Variants in MYO16 observed in about 807,000 individuals in gnomAD.
The protein encoded by MYO16 is myosin XVI.
In MYO16, 94 loss-of-function variants were observed where a neutral mutation model predicts 205.3. The ratio of observed to expected loss-of-function variants is 0.46; its 90% confidence interval spans 0.39 to 0.54. The LOEUF (loss-of-function observed/expected upper bound fraction) is 0.54, where lower values mean the gene tolerates loss of function less well. Among genes scored for constraint, MYO16 ranks in the 20% least tolerant of loss-of-function variants. MYO16 has a pLI of 0.00. For synonymous variants in MYO16, 988 were observed against 954.0 expected, an observed-to-expected ratio of 1.04 and a Z score of -0.66; for missense variants, 2,315 against 2,387.5, an observed-to-expected ratio of 0.97 and a Z score of 0.63.
At chr13:109,159,927 T>C (rs1878292596) in intron 32 of MYO16, among the ~76,000 whole-genome samples, 1 of 152,202 alleles carries the variant, frequency 6.6e-6, no homozygotes, top group Admixed American at 6.5e-5. Flanking sequence ...TGGATCTTAA[T>C]GTGAATCAAC....
At chr13:108,668,742 T>A (rs1280080516) in intron 2 of MYO16, among the ~76,000 whole-genome samples, 2 of 152,198 alleles carry the variant, frequency 1.3e-5, no homozygotes, top group Non-Finnish European at 2.9e-5. Context: ...TAGGGGCCTA[T>A]GTGATGACAC....
chr13:108,911,384 T>TA (rs1881259003), intron 16 of MYO16, among the ~76,000 whole-genome samples: 2 of 152,096 alleles, frequency 1.3e-5, no homozygotes, highest in Admixed American at 1.3e-4. Flanking sequence ...TGCTTTTAGA[T>TA]ACGTTAATCG....
In MYO16 at chr13:108,840,685, G is replaced by C. The variant is rs889813315; in HGVS notation, c.1098-3658G>C. ...CCTGAGTAGCTGGGACTACAGGCAT[G>C]CACCACCACAGCTGGCTAACTTTTT... is the stretch of plus-strand genomic sequence containing the variant. On this transcript the variant is annotated intron_variant, in intron 9 of 34. Transcript: ENST00000457511. Among the ~76,000 whole-genome samples the C allele has an allele frequency of 2.0e-5, 3 of 152,108 alleles. No individual in the cohort carries two copies. The East Asian group carries it at 5.8e-4, about 29-fold the overall frequency.
At position 108,727,568 on chromosome 13, in the gene MYO16, C is replaced by G; in HGVS notation, c.492C>G (p.Val164=). The G allele has an allele frequency of 1.2e-6, 2 of 1,611,806 alleles. No homozygotes were observed. Among genetic ancestry groups the G allele is most frequent in the Non-Finnish European group, 1.7e-6 (2 of 1,179,346 alleles). The change falls in exon 4 of 35, where the codon GTC becomes GTG. Residue 164 remains valine, a synonymous_variant. Transcript: ENST00000457511. Reference sequence around the variant, plus strand: ...GTGCCTGCGATAACCCTGATATTGTCCTGCTTCTTGTATTAGTAAGTAAAG... The same window carrying G: ...GTGCCTGCGATAACCCTGATATTGTGCTGCTTCTTGTATTAGTAAGTAAAG... ...IACACDNPDI[V]LLLVLAGANV... is the part of the protein sequence containing the mutation.
chr13:108,534,673 G>A, the MYO16 span, among the ~76,000 whole-genome samples: 384 of 149,516 alleles, frequency 2.6e-3, 6 homozygotes, highest in South Asian at 0.026. Flanking sequence ...GGCTCATTTT[G>A]TTGACTCTGT....
intron 28 of MYO16, among the ~76,000 whole-genome samples, chr13:109,116,800 G>A (rs556057447): frequency 2.0e-5 from 3 of 152,222 alleles, no homozygotes; most frequent in South Asian, 4.2e-4. Flanking sequence ...TGAGATAATG[G>A]GGATAATGGC....
intron 1 of MYO16, among the ~76,000 whole-genome samples, chr13:108,660,870 G>T (rs545468925): frequency 1.3e-5 from 2 of 152,184 alleles, no homozygotes; most frequent in Admixed American, 6.5e-5. Context: ...TTTTTAACTT[G>T]TATTTTTGTT....
At chr13:109,051,657 A>G (rs1487855030) in intron 24 of MYO16, among the ~76,000 whole-genome samples, 1 of 152,246 alleles carries the variant, frequency 6.6e-6, no homozygotes, top group African/African-American at 2.4e-5. Flanking sequence ...GTGTCAAGAA[A>G]GGAATATGGA....
chr13:108,700,352 AAG>A (rs1883257259), intron 2 of MYO16, among the ~76,000 whole-genome samples: 5 of 116,976 alleles, frequency 4.3e-5, no homozygotes, highest in African/African-American at 1.1e-4. Flanking sequence ...AAAAAAAAAG[AAG>A]AAGAAGAAGA....
intron 4 of MYO16, among the ~76,000 whole-genome samples, chr13:108,757,491 A>C (rs976739440): frequency 6.8e-6 from 1 of 146,192 alleles, no homozygotes; most frequent in Non-Finnish European, 1.5e-5. Context: ...GGTTTTTTTT[A>C]ATTATACTTT....
chr13:108,852,629 G>T (rs1052745705), intron 10 of MYO16, among the ~76,000 whole-genome samples: 1 of 152,118 alleles, frequency 6.6e-6, no homozygotes, highest in Non-Finnish European at 1.5e-5. Flanking sequence ...AGAACAGCGC[G>T]GACAGACCCA....
chr13:108,796,171 G>A (rs1406251009), intron 6 of MYO16, among the ~76,000 whole-genome samples: 1 of 152,192 alleles, frequency 6.6e-6, no homozygotes, highest in African/African-American at 2.4e-5. Flanking sequence ...GGAAGACAGT[G>A]GGAAGTTCAG....
At chr13:108,829,716 C>A (rs1193754552) in intron 9 of MYO16, among the ~76,000 whole-genome samples, 2 of 152,104 alleles carry the variant, frequency 1.3e-5, no homozygotes, top group African/African-American at 4.8e-5. Context: ...GTGGCCTCAG[C>A]CAAGTGACTC....
At chr13:108,565,621 C>T in the MYO16 span, among the ~76,000 whole-genome samples, 4 of 152,064 alleles carry the variant, frequency 2.6e-5, no homozygotes, top group African/African-American at 9.7e-5. Context: ...ATATTATCTG[C>T]AAACAGGGAT....
chr13:108,773,249 C>A (rs966892631), intron 4 of MYO16, among the ~76,000 whole-genome samples: 1 of 152,182 alleles, frequency 6.6e-6, no homozygotes, highest in African/African-American at 2.4e-5. Flanking sequence ...GGCAGTATCT[C>A]TATACATGTA....
intron 1 of MYO16, among the ~76,000 whole-genome samples, chr13:108,635,521 G>A (rs1364707094): frequency 7.7e-6 from 1 of 130,632 alleles, no homozygotes; most frequent in Non-Finnish European, 1.6e-5. Context: ...TTTTTTTTTT[G>A]AGGGAGTCTC....
At chr13:108,791,480 C>G (rs968116238) in intron 5 of MYO16, among the ~76,000 whole-genome samples, 3 of 152,156 alleles carry the variant, frequency 2.0e-5, no homozygotes, top group Non-Finnish European at 2.9e-5. Context: ...TGTGTTTTAA[C>G]TTACTATCAA....
At chr13:109,091,711 C>G (rs1265003318) in intron 27 of MYO16, among the ~76,000 whole-genome samples, 1 of 152,206 alleles carries the variant, frequency 6.6e-6, no homozygotes, top group East Asian at 1.9e-4. Context: ...CTTCACCACT[C>G]TCTTTCTCTG....
rs139601659 is a variant in MYO16, at chr13:109,163,211, G to A, written c.5165-1690G>A. Among the ~76,000 whole-genome samples, 431 of 152,306 alleles carry A rather than the reference G, an allele frequency of 2.8e-3. 7 individuals are homozygous for A. The highest frequency in any genetic ancestry group is 9.8e-3 in the African/African-American group (407 of 41,552). On this transcript the variant is annotated intron_variant, in intron 32 of 34. Transcript: ENST00000457511. Reference sequence around the variant, plus strand: ...GTGCTGTAAAGGAGAGGTCCCTGCGGGTGATCTGACCAAGGTCCTGACTGG... The same window carrying A: ...GTGCTGTAAAGGAGAGGTCCCTGCGAGTGATCTGACCAAGGTCCTGACTGG...
Sources: allele counts gnomAD v4.1 joint callset (sites outside exome capture counted in the v4.1 genomes callset), GRCh38; gene constraint gnomAD v4.1.1; transcripts MANE v1.5; gene names NCBI Gene and HGNC (gene_info 2026-07-23, HGNC 2026-07-21).